The following ZBTB16 variants were observed in gnomAD, a reference collection of about 807,000 sequenced individuals.
The protein encoded by ZBTB16 is zinc finger and BTB domain containing 16, also known as zinc finger and BTB domain-containing protein 16.
A neutral mutation model predicts 56.8 loss-of-function variants in ZBTB16; 8 were observed. That is an observed-to-expected ratio of 0.14 (90% CI 0.08 to 0.25). The LOEUF is 0.25. Ranked by LOEUF, ZBTB16 falls within the 10% of genes least tolerant of loss-of-function variation. ZBTB16 has a pLI of 1.00. For synonymous variants in ZBTB16, 363 were observed against 368.5 expected, an observed-to-expected ratio of 0.98 and a Z score of 0.17; for missense variants, 625 against 903.0, an observed-to-expected ratio of 0.69 and a Z score of 3.95.
chr11:114,172,963 C>T (rs1198414954), intron 3 of ZBTB16, among the ~76,000 whole-genome samples: 1 of 152,214 alleles, frequency 6.6e-6, no homozygotes, highest in African/African-American at 2.4e-5. Context: ...CATCTTAAGG[C>T]TGCTGAATTT....
rs971389215 is a variant in ZBTB16 at position 114,143,745 on chromosome 11, G to C, written c.1269-12592G>C. Among the ~76,000 whole-genome samples the C allele has an allele frequency of 1.3e-5, 2 of 152,192 alleles. No homozygotes were observed. Among genetic ancestry groups the C allele is most frequent in the African/African-American group, 4.8e-5 (2 of 41,444 alleles). ...CATCATCTAAGCACAGGGCACCCAG[G>C]CGGGTAGCACAGGTGGCTTAGCAAA... On this transcript the variant is annotated intron_variant, in intron 2 of 6. Transcript: ENST00000335953. The surrounding 1 kb of genome is among the most constrained non-coding windows in gnomAD (Gnocchi z 6.4).
At chr11:114,094,709 T>A (rs937683381) in intron 2 of ZBTB16, among the ~76,000 whole-genome samples, 1 of 152,198 alleles carries the variant, frequency 6.6e-6, no homozygotes, top group African/African-American at 2.4e-5. Context: ...TTAACTAGGG[T>A]CTATCCCACA....
intron 2 of ZBTB16, among the ~76,000 whole-genome samples, chr11:114,085,274 C>T (rs1939918566): frequency 6.6e-6 from 1 of 152,294 alleles, no homozygotes; most frequent in Non-Finnish European, 1.5e-5. Flanking sequence ...TATCTTATTT[C>T]ATTTAAGAAC....
intron 2 of ZBTB16, among the ~76,000 whole-genome samples, chr11:114,132,428 T>C (rs1236450121): frequency 6.6e-6 from 1 of 152,178 alleles, no homozygotes; most frequent in Non-Finnish European, 1.5e-5. Context: ...TATTTTAGCC[T>C]TTTGCCTTAC....
chr11:114,067,521 C>G (rs1210428617), intron 2 of ZBTB16, among the ~76,000 whole-genome samples: 2 of 152,160 alleles, frequency 1.3e-5, no homozygotes, highest in African/African-American at 4.8e-5. Context: ...ATTCTCCTGC[C>G]TCAGCCTCCT....
chr11:114,131,540 C>T (rs918373190), intron 2 of ZBTB16, among the ~76,000 whole-genome samples: 2 of 152,154 alleles, frequency 1.3e-5, no homozygotes, highest in Admixed American at 6.5e-5. Context: ...GCAGGCCTGT[C>T]CCCAGATGGC....
At chr11:114,191,964 G>A (rs1591767557) in intron 4 of ZBTB16, among the ~76,000 whole-genome samples, 1 of 152,184 alleles carries the variant, frequency 6.6e-6, no homozygotes, top group South Asian at 2.1e-4. Context: ...ACCATAGAGA[G>A]TGTTGTCATG....
chr11:114,078,892 A>G (rs1279045057), intron 2 of ZBTB16, among the ~76,000 whole-genome samples: 1 of 151,902 alleles, frequency 6.6e-6, no homozygotes, highest in Non-Finnish European at 1.5e-5. Context: ...CCCAGTCTCT[A>G]CTAAAAATAC....
intron 4 of ZBTB16, among the ~76,000 whole-genome samples, chr11:114,203,735 G>T (rs138050435): frequency 6.6e-6 from 1 of 152,184 alleles, no homozygotes; most frequent in East Asian, 1.9e-4. Context: ...TGCAGGTAAC[G>T]CTTTGCATCA....
intron 2 of ZBTB16, among the ~76,000 whole-genome samples, chr11:114,134,515 G>A (rs1305543393): frequency 1.3e-5 from 2 of 152,178 alleles, no homozygotes; most frequent in African/African-American, 4.8e-5. Flanking sequence ...TGATAAATGG[G>A]AATGGGGTCA....
rs145224678 is a variant in ZBTB16 at position 114,102,117 on chromosome 11, C to T, written c.1268+37549C>T. On this transcript the variant is annotated intron_variant, in intron 2 of 6. Coordinates refer to ENST00000335953, the MANE Select transcript of ZBTB16 (RefSeq NM_006006.6). ...ACACATCGATGGTGGTTGGGACGTCCTCATTCCCAGACCTCTGGGACATAC... is the reference window on the plus strand; with the variant it reads ...ACACATCGATGGTGGTTGGGACGTCTTCATTCCCAGACCTCTGGGACATAC... 1.3e-4 allele frequency among the ~76,000 whole-genome samples: 20 copies of T among 152,312 alleles called. No individual in the cohort carries two copies. The Middle Eastern group carries it at 0.017, about 130-fold the overall frequency.
chr11:114,145,739 A>G (rs1190710252), intron 2 of ZBTB16, among the ~76,000 whole-genome samples: 2 of 152,220 alleles, frequency 1.3e-5, no homozygotes, highest in Non-Finnish European at 2.9e-5. Context: ...GCACAGTTCT[A>G]TGAATATGCT....
chr11:114,208,705 T>G (rs1460979775), intron 4 of ZBTB16, among the ~76,000 whole-genome samples: 1 of 152,116 alleles, frequency 6.6e-6, no homozygotes, highest in Non-Finnish European at 1.5e-5. Context: ...GCACCTACCT[T>G]GCTTTCTCCC....
chr11:114,068,897 A>G (rs1271605377), intron 2 of ZBTB16, among the ~76,000 whole-genome samples: 2 of 152,208 alleles, frequency 1.3e-5, no homozygotes. Context: ...AGTTCTATAG[A>G]CTTAAGTGTG....
chr11:114,131,335 T>C (rs1232404505), intron 2 of ZBTB16, among the ~76,000 whole-genome samples: 1 of 152,240 alleles, frequency 6.6e-6, no homozygotes, highest in Non-Finnish European at 1.5e-5. Context: ...CCAATAGTGC[T>C]GAGGCTGAGA....
In ZBTB16 at chr11:114,183,162, G is replaced by C. The variant is rs144926853; in HGVS notation, c.1367-3790G>C. On this transcript the variant is annotated intron_variant, in intron 3 of 6. Coordinates refer to ENST00000335953, the MANE Select transcript of ZBTB16 (RefSeq NM_006006.6). ...GAGTACTGGGGCTTCGTGAGTGGGG[G>C]CTAGCAATGGGAGCTGACGTTTGTG... Among the ~76,000 whole-genome samples the C allele has an allele frequency of 4.2e-3, 643 of 152,300 alleles. 5 individuals carry two copies. The highest frequency in any genetic ancestry group is 0.015 in the African/African-American group (615 of 41,552).
intron 3 of ZBTB16, among the ~76,000 whole-genome samples, chr11:114,161,288 C>T (rs11214886): frequency 0.078 from 11,825 of 152,068 alleles, 849 homozygotes; most frequent in African/African-American, 0.18. Context: ...CGGCTGCATA[C>T]GATTAGGGTT....
At chr11:114,183,441 C>A (rs561099) in intron 3 of ZBTB16, among the ~76,000 whole-genome samples, 28,753 of 152,144 alleles carry the variant, frequency 0.19, 3,048 homozygotes, top group African/African-American at 0.3. Flanking sequence ...CTTCCTTTCT[C>A]TCTGCTTCTC....
intron 4 of ZBTB16, chr11:114,209,841 C>T: frequency 4.1e-6 from 4 of 985,384 alleles, no homozygotes; most frequent in Non-Finnish European, 4.8e-6. Flanking sequence ...CTTCTGGCAT[C>T]CTGCTGTGGG....
Sources: gnomAD v4.1 joint callset for allele counts (sites outside exome capture counted in the v4.1 genomes callset) on GRCh38, gnomAD v4.1.1 for gene constraint, Gnocchi (gnomAD v3.1) non-coding constraint, MANE v1.5 for transcripts, NCBI Gene and HGNC (gene_info 2026-07-23, HGNC 2026-07-21) for gene names.